Variants in DDX17 observed in about 807,000 individuals in gnomAD.
DDX17 encodes probable ATP-dependent RNA helicase DDX17.
A neutral mutation model predicts 80.8 loss-of-function variants in DDX17; 10 were observed. The observed-to-expected ratio is 0.12, with a 90% CI of 0.08 to 0.21. DDX17 has a LOEUF of 0.21. Among genes scored for constraint, DDX17 ranks in the 10% least tolerant of loss-of-function variants. The probability of loss-of-function intolerance (pLI) is 1.00; values close to 1 mark genes in which losing one functional copy is unlikely to be tolerated. For missense variants in DDX17, 586 were observed against 957.4 expected, an observed-to-expected ratio of 0.61 and a Z score of 5.12; for synonymous variants, 339 against 336.2, an observed-to-expected ratio of 1.01 and a Z score of -0.09.
In DDX17 at chr22:38,501,219, A is replaced by G; in HGVS notation, c.349T>C (p.Leu117=). 6.2e-7 allele frequency: 1 copy of G among 1,613,644 alleles called. No individual in the cohort carries two copies. The highest frequency in any genetic ancestry group is 8.5e-7 in the Non-Finnish European group (1 of 1,179,894). Residue 117 remains leucine, a synonymous_variant, in exon 2 of 13, where the codon TTG becomes CTG. Coordinates refer to ENST00000403230, the MANE Select transcript of DDX17 (RefSeq NM_006386.5). Reference sequence around the variant, plus strand: ...CTCAAATCCCACTTTTTTTTACGCAAACGCTCCCCAGGATTACCAAATTTC... The same window carrying G: ...CTCAAATCCCACTTTTTTTTACGCAGACGCTCCCCAGGATTACCAAATTTC...
In DDX17 at chr22:38,485,830, AG is replaced by A; in HGVS notation, c.*104del. 1 of 1,398,386 alleles carries A rather than the reference AG, an allele frequency of 7.2e-7. No individual in the cohort carries two copies. The highest frequency in any genetic ancestry group is 9.3e-7 in the Non-Finnish European group (1 of 1,074,962). The allele number at this position is 1,398,386 out of a possible 1,614,324, so 86.6% of individuals were successfully genotyped here. On this transcript the variant is annotated 3_prime_UTR_variant, in exon 13 of 13. Coordinates refer to ENST00000403230, the MANE Select transcript of DDX17 (RefSeq NM_006386.5). Reference sequence around the variant, plus strand: ...GGGGGGAAAAATTAAAAAAAAAAAAAGAAAAAAGGAAAAAAAAAGAAAAGGC... The same window carrying A: ...GGGGGGAAAAATTAAAAAAAAAAAAAAAAAAAGGAAAAAAAAAGAAAAGGC...
chr22:38,492,195 AAAT>A (rs1275395117), intron 10 of DDX17, 80 bp from the exon 11 acceptor site: 1 of 1,223,362 alleles, frequency 8.2e-7, no homozygotes, highest in Non-Finnish European at 1.1e-6. Context: ...TTAAAATTTC[AAAT>A]AATGGTGCCA....
At chr22:38,490,246 A>G (rs887659560) in intron 11 of DDX17, 1 of 1,240,980 alleles carries the variant, frequency 8.1e-7, no homozygotes, top group Non-Finnish European at 1.0e-6. Context: ...TAAGAAATCC[A>G]AAGTTAATGT....
At chr22:38,492,863 A>G (rs2089726726) in intron 10 of DDX17, among the ~76,000 whole-genome samples, 1 of 152,212 alleles carries the variant, frequency 6.6e-6, no homozygotes, top group African/African-American at 2.4e-5. Flanking sequence ...GAAAAAAAGG[A>G]CTGAAAGGAA....
chr22:38,499,257 T>C (rs2089802416), intron 3 of DDX17, 143 bp downstream of exon 3: 2 of 628,408 alleles, frequency 3.2e-6, no homozygotes, highest in East Asian at 2.8e-5. Context: ...GTCTAAATAC[T>C]AGAACAGAAC....
At chr22:38,492,364 T>C (rs900202309) in intron 10 of DDX17, among the ~76,000 whole-genome samples, 4 of 152,176 alleles carry the variant, frequency 2.6e-5, no homozygotes, top group African/African-American at 7.2e-5. Flanking sequence ...TAGATTTTTT[T>C]CCCCTTAAAG....
In DDX17 at chr22:38,485,861, A is replaced by AG. The variant is rs1449779423; in HGVS notation, c.*73dup. ...AAGGAAAAAAAAAGAAAAGGCGAAG[A>AG]GGAAAAAAAAAGGAAAGACAGTGTT... On this transcript the variant is annotated 3_prime_UTR_variant, in exon 13 of 13. Coordinates refer to ENST00000403230, the MANE Select transcript of DDX17 (RefSeq NM_006386.5). The AG allele has an allele frequency of 1.4e-6, 2 of 1,480,756 alleles. No homozygotes were observed. 91.7% of individuals were successfully genotyped at this position (1,480,756 alleles called of 1,614,324 possible).
At chr22:38,498,810 A>AGT (rs1569141709) in intron 3 of DDX17, among the ~76,000 whole-genome samples, 1 of 152,184 alleles carries the variant, frequency 6.6e-6, no homozygotes, top group Non-Finnish European at 1.5e-5. Flanking sequence ...GGAGGCCAGG[A>AGT]GTTCCAGACC....
At position 38,498,087 on chromosome 22, in the gene DDX17, T is replaced by C. The variant is rs756840717; in HGVS notation, c.736A>G (p.Ile246Val). ...CAAAGAAACTGAAACACACTTACGA[T>C]TGGGCCATCTCCCCTTTCCAAGTAT... is the stretch of plus-strand genomic sequence containing the variant. Residue 246 changes from isoleucine to valine, a missense_variant and splice_region_variant, in exon 5 of 13, where the codon ATC becomes GTC. This residue lies in a region of DDX17 where 141 missense variants were observed against 379.3 expected (regional missense o/e 0.37). Coordinates refer to ENST00000403230, the MANE Select transcript of DDX17 (RefSeq NM_006386.5). 16 of 1,613,654 alleles carry C rather than the reference T, an allele frequency of 9.9e-6. No homozygotes were observed. Among genetic ancestry groups the C allele is most frequent in the Admixed American group, 3.3e-5 (2 of 59,980 alleles).
intron 12 of DDX17, among the ~76,000 whole-genome samples, chr22:38,487,157 G>A: frequency 6.6e-6 from 1 of 152,166 alleles, no homozygotes; most frequent in East Asian, 1.9e-4. Context: ...AACAGAGTGA[G>A]ACTGTCTCTG....
chr22:38,499,460 C>T lies in DDX17; in HGVS notation c.478G>A (p.Val160Met). The change falls in exon 3 of 13, where the codon GTG becomes ATG. Residue 160 changes from valine (V) to methionine (M), a missense_variant. Around this residue, in one of 4 missense-constraint regions of DDX17, gnomAD observed 215 missense variants for 238.4 expected, o/e 0.90. Transcript: ENST00000403230. ...TTAGGACAAACATCTCCCCCCCTCACTGTAATCTCCTTCTTTCGGCGTAGC... is the reference window on the plus strand; with the variant it reads ...TTAGGACAAACATCTCCCCCCCTCATTGTAATCTCCTTCTTTCGGCGTAGC... 6.2e-7 allele frequency: 1 copy of T among 1,614,092 alleles called. No individual in the cohort carries two copies.
chr22:38,494,573 G>A, intron 8 of DDX17, 57 bp downstream of exon 8: 2 of 1,538,364 alleles, frequency 1.3e-6, no homozygotes, highest in Non-Finnish European at 1.8e-6. Context: ...TAATTTTGGA[G>A]GGTTATTAGA....
chr22:38,485,987 G>C lies in DDX17; in HGVS notation c.2138C>G (p.Thr713Ser), dbSNP rs1225381960. The C allele has an allele frequency of 1.1e-5, 17 of 1,613,920 alleles. No individual in the cohort carries two copies. Among genetic ancestry groups the C allele is most frequent in the Non-Finnish European group, 1.4e-5 (17 of 1,180,008 alleles). Residue 713 changes from threonine (T) to serine (S), a missense_variant, in exon 13 of 13, where the codon ACT becomes AGT. By Grantham distance (58) the Thr-to-Ser change is moderately conservative (BLOSUM62 1). This residue lies in a region of DDX17 where 221 missense variants were observed against 261.4 expected (regional missense o/e 0.85). Transcript: ENST00000403230. ...AGGAGGAGGAGGGTATTGGTAGGCA[G>C]TCTGCCCCATGTAACCTATCATATT...
At chr22:38,493,448 A>T (rs1038685001) in intron 10 of DDX17, 5 of 368,958 alleles carry the variant, frequency 1.4e-5, no homozygotes, top group African/African-American at 2.1e-5. Context: ...CAGCCTCCCA[A>T]AGTGTTAGGA....
In DDX17 at chr22:38,495,174, A is replaced by G. The variant is rs2089748406; in HGVS notation, c.881-128T>C. Reference sequence around the variant, plus strand: ...AGTTCACAACCAGCCTGGTCAACATAGCAAGACCCCGACTCTACAAAAATG... The same window carrying G: ...AGTTCACAACCAGCCTGGTCAACATGGCAAGACCCCGACTCTACAAAAATG... On this transcript the variant is annotated intron_variant, in intron 6 of 12. Transcript: ENST00000403230. 9 of 828,560 alleles carry G rather than the reference A, an allele frequency of 1.1e-5. No individual in the cohort carries two copies. The East Asian group carries it at 2.4e-4, about 22-fold the overall frequency. 51.3% of individuals were successfully genotyped at this position (828,560 alleles called of 1,614,324 possible).
rs2089659566 is a variant in DDX17, at chr22:38,486,342, C to T, written c.1783G>A (p.Gly595Ser). Residue 595 changes from glycine (G) to serine (S), a missense_variant, in exon 13 of 13, where the codon GGC (glycine) becomes AGC (serine). By Grantham distance (56) the Gly-to-Ser change is moderately conservative. This residue lies in a region of DDX17 where 221 missense variants were observed against 261.4 expected (regional missense o/e 0.85). Transcript: ENST00000403230. ...CGATAGCTTGCAGAGTCTCTCCGGC[C>T]ACCATCCTTGACTCCTCGAAGCCTT... 1 of 1,614,092 alleles carries T rather than the reference C, an allele frequency of 6.2e-7. No individual in the cohort carries two copies. The highest frequency in any genetic ancestry group is 1.7e-5 in the Admixed American group (1 of 59,998).
At chr22:38,496,880 C>T (rs1276413376) in intron 5 of DDX17, among the ~76,000 whole-genome samples, 10 of 152,138 alleles carry the variant, frequency 6.6e-5, no homozygotes, top group Admixed American at 2.0e-4. Context: ...TAGATATCAA[C>T]TAATAATAAT....
chr22:38,493,524 C>T, intron 10 of DDX17, 186 bp downstream of exon 10: 1 of 596,322 alleles, frequency 1.7e-6, no homozygotes, highest in South Asian at 2.1e-5. Flanking sequence ...CTACAGCCTA[C>T]AGCTTTTGTC....
intron 9 of DDX17, 56 bp from the exon 10 acceptor site, chr22:38,493,827 A>T: frequency 6.5e-7 from 1 of 1,549,712 alleles, no homozygotes; most frequent in Non-Finnish European, 8.9e-7. Context: ...GAGAAAATCG[A>T]ACTTTAAAGC....
Sources: allele counts gnomAD v4.1 joint callset (sites outside exome capture counted in the v4.1 genomes callset), GRCh38; gene constraint gnomAD v4.1.1; regional missense constraint gnomAD v4.1.1; transcripts MANE v1.5; gene names NCBI Gene and HGNC (gene_info 2026-07-23, HGNC 2026-07-21).